Variants in GPC5 observed in about 807,000 individuals in gnomAD.
GPC5 encodes the protein glypican 5.
GPC5 carries 47 observed loss-of-function variants against 53.9 expected under a neutral mutation model. The observed-to-expected ratio is 0.87, with a 90% CI of 0.69 to 1.11. The LOEUF is 1.11. Among genes scored for constraint, GPC5 ranks in the 50% most tolerant of loss-of-function variants. GPC5 has a pLI of 0.00. For synonymous variants in GPC5, 286 were observed against 263.3 expected (o/e 1.09, Z -0.84); for missense variants, 748 against 713.1 (o/e 1.05, Z -0.56).
At chr13:92,381,802 C>CATAGATAT (rs568905372) in intron 7 of GPC5, among the ~76,000 whole-genome samples, 266 of 140,150 alleles carry the variant, frequency 1.9e-3, no homozygotes, top group African/African-American at 6.4e-3. Flanking sequence ...TATATAGATA[C>CATAGATAT]ATAGATATTA....
intron 7 of GPC5, among the ~76,000 whole-genome samples, chr13:92,607,016 T>C (rs949837286): frequency 7.2e-5 from 11 of 152,188 alleles, no homozygotes; most frequent in Non-Finnish European, 1.6e-4. Context: ...TAAGGGAAAA[T>C]ATATTTTGAA....
intron 7 of GPC5, among the ~76,000 whole-genome samples, chr13:92,585,085 C>T (rs759294514): frequency 7.2e-5 from 11 of 152,024 alleles, no homozygotes; most frequent in Admixed American, 2.0e-4. Context: ...GTCAGAGACC[C>T]CACACAGAGT....
intron 6 of GPC5, among the ~76,000 whole-genome samples, chr13:92,079,793 A>G (rs1052070080): frequency 6.6e-6 from 1 of 152,202 alleles, no homozygotes; most frequent in Non-Finnish European, 1.5e-5. Flanking sequence ...ATTCCCATGA[A>G]CAAGCCCTAA....
At chr13:92,313,664 C>T (rs999703308) in intron 7 of GPC5, among the ~76,000 whole-genome samples, 7 of 152,168 alleles carry the variant, frequency 4.6e-5, no homozygotes, top group African/African-American at 1.7e-4. Context: ...TTCCATCAAA[C>T]TGTTGGATGA....
At chr13:91,463,002 A>G (rs1882030144) in intron 2 of GPC5, among the ~76,000 whole-genome samples, 1 of 152,096 alleles carries the variant, frequency 6.6e-6, no homozygotes, top group African/African-American at 2.4e-5. Context: ...AAGCAATTTG[A>G]CAGCACTAGG....
intron 7 of GPC5, among the ~76,000 whole-genome samples, chr13:92,828,354 T>C (rs964858002): frequency 1.3e-5 from 2 of 152,188 alleles, no homozygotes; most frequent in Non-Finnish European, 2.9e-5. Context: ...AAAACATTTT[T>C]GTTTTTACTT....
chr13:91,440,261 G>T (rs893859265), intron 1 of GPC5, among the ~76,000 whole-genome samples: 3 of 151,944 alleles, frequency 2.0e-5, no homozygotes, highest in African/African-American at 2.4e-5. Context: ...GGTCCGTAAG[G>T]CTTGTTCCTT....
At chr13:92,774,654 A>G (rs1875734284) in intron 7 of GPC5, among the ~76,000 whole-genome samples, 1 of 152,180 alleles carries the variant, frequency 6.6e-6, no homozygotes, top group African/African-American at 2.4e-5. Context: ...TTATTCCTGA[A>G]TCTAGTCCAA....
intron 7 of GPC5, among the ~76,000 whole-genome samples, chr13:92,785,190 C>T (rs1423304894): frequency 6.6e-6 from 1 of 152,086 alleles, no homozygotes; most frequent in Non-Finnish European, 1.5e-5. Context: ...GCACGAGAAT[C>T]GCTTGAACCC....
chr13:91,992,131 G>T (rs912791962), intron 6 of GPC5, among the ~76,000 whole-genome samples: 1 of 152,018 alleles, frequency 6.6e-6, no homozygotes, highest in Admixed American at 6.6e-5. Context: ...TTGAACTCCT[G>T]GGCTCAAGTG....
intron 7 of GPC5, among the ~76,000 whole-genome samples, chr13:92,713,690 C>T (rs1888229989): frequency 6.6e-6 from 1 of 151,342 alleles, no homozygotes; most frequent in African/African-American, 2.4e-5. Context: ...CACTACATAC[C>T]TATCAGAATG....
In GPC5 at chr13:92,794,518, T is replaced by C. The variant is rs148887713; in HGVS notation, c.1562-71764T>C. On this transcript the variant is annotated intron_variant, in intron 7 of 7. Coordinates refer to ENST00000377067, the MANE Select transcript of GPC5 (RefSeq NM_004466.6). ...TCACCATTCCTATTCAACACAGTGTTGGAAGTTCTGGCCAGGGCAATCAGG... is the reference window on the plus strand; with the variant it reads ...TCACCATTCCTATTCAACACAGTGTCGGAAGTTCTGGCCAGGGCAATCAGG... 1.5e-4 allele frequency among the ~76,000 whole-genome samples: 23 copies of C among 152,268 alleles called. 1 individual carries two copies. In the East Asian group the frequency reaches 4.3e-3, roughly 28 times the overall value.
chr13:92,185,550 A>G (rs1271654299), intron 7 of GPC5, among the ~76,000 whole-genome samples: 1 of 152,092 alleles, frequency 6.6e-6, no homozygotes. Context: ...AGAAGAAATG[A>G]ATTTTTTTTT....
At chr13:91,574,417 G>T (rs2032057144) in intron 2 of GPC5, among the ~76,000 whole-genome samples, 1 of 152,136 alleles carries the variant, frequency 6.6e-6, no homozygotes, top group South Asian at 2.1e-4. Flanking sequence ...ATCAGAATCA[G>T]ATGAGACAGT....
Position 92,494,025 on chromosome 13 carries a change from G to T in GPC5, c.1561+349036G>T, listed in dbSNP as rs146651595. On this transcript the variant is annotated intron_variant, in intron 7 of 7. Transcript: ENST00000377067. ...TTTAATAATGAATATGAATTTGCAG[G>T]ACACTGGACATTAAAAGAATTACTT... Among the ~76,000 whole-genome samples the T allele has an allele frequency of 4.5e-3, 679 of 152,196 alleles. 7 individuals carry two copies. Among genetic ancestry groups the T allele is most frequent in the African/African-American group, 0.015 (642 of 41,532 alleles).
intron 2 of GPC5, among the ~76,000 whole-genome samples, chr13:91,469,190 T>C (rs505648): frequency 0.98 from 148,640 of 152,038 alleles, 72,768 homozygotes; most frequent in Middle Eastern, 1. Context: ...CTCACTGCAA[T>C]CTCTGCCTCC....
At chr13:92,598,779 G>T (rs946163135) in intron 7 of GPC5, among the ~76,000 whole-genome samples, 7 of 152,132 alleles carry the variant, frequency 4.6e-5, no homozygotes, top group Non-Finnish European at 8.8e-5. Context: ...CACTTTGGGA[G>T]GCTGAGGCTG....
At chr13:91,693,933 G>A (rs749158207) in intron 3 of GPC5, 52 bp downstream of exon 3, 21 of 1,337,618 alleles carry the variant, frequency 1.6e-5, no homozygotes, top group Admixed American at 5.5e-5. Context: ...TCAAATATTA[G>A]CCATGATATA....
chr13:92,223,551 A>G (rs1478039960), intron 7 of GPC5, among the ~76,000 whole-genome samples: 1 of 152,082 alleles, frequency 6.6e-6, no homozygotes, highest in African/African-American at 2.4e-5. Context: ...CAATTGGGTT[A>G]TATTTCTTAT....
Sources: allele counts gnomAD v4.1 joint callset (sites outside exome capture counted in the v4.1 genomes callset), GRCh38; gene constraint gnomAD v4.1.1; transcripts MANE v1.5; gene names NCBI Gene and HGNC (gene_info 2026-07-23, HGNC 2026-07-21).